KHDC1: variants seen among roughly 807,000 people sequenced by gnomAD.
KHDC1 encodes the protein KH domain containing 1.
In KHDC1, 21 loss-of-function variants were observed where a neutral mutation model predicts 24.7. The observed-to-expected ratio is 0.85, with a 90% CI of 0.60 to 1.23. The LOEUF is 1.23. Among genes scored for constraint, KHDC1 ranks in the 50% most tolerant of loss-of-function variants. The pLI is 0.00. For missense variants in KHDC1, 274 were observed against 298.5 expected (o/e 0.92, Z 0.61); for synonymous variants, 98 against 111.7 (o/e 0.88, Z 0.77).
chr6:73,287,316 C>G (rs891109180), intron 2 of KHDC1, among the ~76,000 whole-genome samples: 2 of 152,160 alleles, frequency 1.3e-5, no homozygotes, highest in African/African-American at 4.8e-5. Flanking sequence ...ACTTAACCCT[C>G]AGATGCCAGA....
rs182999434 is a variant in KHDC1 at position 73,267,444 on chromosome 6, C to T, written c.206+24554G>A. Among the ~76,000 whole-genome samples the T allele has an allele frequency of 1.8e-4, 27 of 152,144 alleles. 1 individual carries two copies. The East Asian group carries it at 5.2e-3, about 29-fold the overall frequency. On this transcript the variant is annotated intron_variant, in intron 2 of 4. Transcript: ENST00000370384. ...GTTGGAGTGAGCTGAGATCACGCCA[C>T]TGCACTCCAGACTGGGTGACAGAGG... is the stretch of plus-strand genomic sequence containing the variant.
chr6:73,291,582 C>T (rs1352030105), intron 2 of KHDC1, among the ~76,000 whole-genome samples: 1 of 152,084 alleles, frequency 6.6e-6, no homozygotes, highest in Non-Finnish European at 1.5e-5. Context: ...CTGCCTCAGC[C>T]TCCCAGAGTG....
intron 2 of KHDC1, among the ~76,000 whole-genome samples, chr6:73,242,852 G>A (rs1766599668): frequency 6.6e-6 from 1 of 152,170 alleles, no homozygotes; most frequent in Non-Finnish European, 1.5e-5. Context: ...GACAGGGGTT[G>A]AGGGATGGAG....
At chr6:73,250,754 C>A (rs1278957755) in intron 2 of KHDC1, among the ~76,000 whole-genome samples, 1 of 152,240 alleles carries the variant, frequency 6.6e-6, no homozygotes, top group Non-Finnish European at 1.5e-5. Context: ...AATGTTTTAT[C>A]ACATAAAACC....
chr6:73,290,191 C>T (rs192608837), intron 2 of KHDC1, among the ~76,000 whole-genome samples: 502 of 150,140 alleles, frequency 3.3e-3, no homozygotes, highest in Admixed American at 4.4e-3. Flanking sequence ...GCAGGGAAAT[C>T]GCTTGAACCC....
At chr6:73,306,805 G>A (rs536069976) in intron 1 of KHDC1, among the ~76,000 whole-genome samples, 88 of 152,158 alleles carry the variant, frequency 5.8e-4, no homozygotes, top group African/African-American at 1.9e-3. Flanking sequence ...TCAAGAGATC[G>A]AGACCATCCT....
intron 2 of KHDC1, among the ~76,000 whole-genome samples, chr6:73,253,113 C>A (rs1255181245): frequency 6.6e-6 from 1 of 152,110 alleles, no homozygotes; most frequent in Non-Finnish European, 1.5e-5. Flanking sequence ...TTTACTAATG[C>A]ATGAAAAGAC....
chr6:73,297,766 G>T (rs778436391), intron 1 of KHDC1, among the ~76,000 whole-genome samples: 77 of 152,142 alleles, frequency 5.1e-4, no homozygotes, highest in Admixed American at 9.8e-4. Flanking sequence ...CAGAGCCCAT[G>T]CAATGGCCAG....
At chr6:73,282,012 G>GT (rs1767422534) in intron 2 of KHDC1, among the ~76,000 whole-genome samples, 1 of 152,030 alleles carries the variant, frequency 6.6e-6, no homozygotes, top group South Asian at 2.1e-4. Flanking sequence ...GAGGCTGGGA[G>GT]TTTGAGACCA....
chr6:73,288,803 C>CAAAA (rs33926109), intron 2 of KHDC1, among the ~76,000 whole-genome samples: 1 of 78,570 alleles, frequency 1.3e-5, no homozygotes, highest in East Asian at 3.8e-4. Context: ...ACCCCCATCT[C>CAAAA]AAAAAAAAAA....
At chr6:73,286,066 T>C (rs1452095050) in intron 2 of KHDC1, among the ~76,000 whole-genome samples, 1 of 152,196 alleles carries the variant, frequency 6.6e-6, no homozygotes, top group Non-Finnish European at 1.5e-5. Context: ...TCAGCAAAAC[T>C]GTCAACTCCG....
At chr6:73,293,873 G>A (rs1767708855) in intron 1 of KHDC1, among the ~76,000 whole-genome samples, 1 of 151,992 alleles carries the variant, frequency 6.6e-6, no homozygotes, top group Non-Finnish European at 1.5e-5. Flanking sequence ...GGGCATGATG[G>A]TGCGCACCTG....
intron 2 of KHDC1, among the ~76,000 whole-genome samples, chr6:73,248,209 A>G (rs1274578221): frequency 1.3e-5 from 2 of 152,284 alleles, no homozygotes; most frequent in East Asian, 3.9e-4. Flanking sequence ...TGGGTGGACT[A>G]TTGTGAGAAA....
At chr6:73,300,079 C>G (rs1767840349) in intron 1 of KHDC1, 1 of 152,426 alleles carries the variant, frequency 6.6e-6, no homozygotes, top group Non-Finnish European at 1.5e-5. Context: ...GCAGCCTCCC[C>G]TACTCATCCC....
At chr6:73,306,669 G>T (rs542415198) in intron 1 of KHDC1, among the ~76,000 whole-genome samples, 1 of 151,196 alleles carries the variant, frequency 6.6e-6, no homozygotes, top group East Asian at 2.0e-4. Context: ...TGGGGTGGGG[G>T]TTGGTGCCCC....
chr6:73,252,939 T>A (rs1332720359), intron 2 of KHDC1, among the ~76,000 whole-genome samples: 2 of 152,234 alleles, frequency 1.3e-5, no homozygotes, highest in African/African-American at 4.8e-5. Flanking sequence ...TTGAATTTTA[T>A]ATAATTTTAT....
chr6:73,243,906 T>A (rs1018423079), intron 2 of KHDC1, among the ~76,000 whole-genome samples: 2 of 152,196 alleles, frequency 1.3e-5, no homozygotes, highest in South Asian at 4.1e-4. Flanking sequence ...AGAAATAGTG[T>A]CATCTATTGA....
At chr6:73,241,727 G>A in exon 5 of KHDC1, 2 of 1,614,094 alleles carry the variant, frequency 1.2e-6, no homozygotes, top group Non-Finnish European at 8.5e-7. Flanking sequence ...GCATCTCCAG[G>A]CCTGCAAAAT....
intron 1 of KHDC1, chr6:73,292,960 A>AT: frequency 1.1e-6 from 1 of 916,900 alleles, no homozygotes; most frequent in Non-Finnish European, 1.8e-6. Flanking sequence ...ATCTCTTCAT[A>AT]TTTGAGACTT....
Sources: allele counts gnomAD v4.1 joint callset (sites outside exome capture counted in the v4.1 genomes callset), GRCh38; gene constraint gnomAD v4.1.1; transcripts MANE v1.5; gene names NCBI Gene and HGNC (gene_info 2026-07-23, HGNC 2026-07-21).